The following RBMS3 variants were observed in gnomAD, a reference collection of about 807,000 sequenced individuals.
The protein encoded by RBMS3 is RNA-binding motif, single-stranded-interacting protein 3.
A neutral mutation model predicts 66.8 loss-of-function variants in RBMS3; 27 were observed. That is an observed-to-expected ratio of 0.40 (90% confidence interval 0.30 to 0.56). The LOEUF (loss-of-function observed/expected upper bound fraction) is 0.56, where lower values mean the gene tolerates loss of function less well. RBMS3 is among the 20% of genes least tolerant of loss of function. The pLI is 0.40. For missense variants in RBMS3, 513 were observed against 549.5 expected, an observed-to-expected ratio of 0.93 and a Z score of 0.66; for synonymous variants, 188 against 183.0, an observed-to-expected ratio of 1.03 and a Z score of -0.22.
In RBMS3 at chr3:29,333,114, T is replaced by A. The variant is rs115961702; in HGVS notation, c.75+51358T>A. ...TTAGGATTCCTCTTAAATTTGTATA[T>A]GTGTGTATATAATCTGTATGTATAG... On this transcript the variant is annotated intron_variant, in intron 1 of 14. Transcript: ENST00000383767. Among the ~76,000 whole-genome samples, 1,455 of 152,264 alleles carry A rather than the reference T, an allele frequency of 9.6e-3. 30 individuals carry two copies. Among genetic ancestry groups the A allele is most frequent in the African/African-American group, 0.033 (1,383 of 41,558 alleles).
At chr3:29,343,832 T>C (rs1342582897) in intron 1 of RBMS3, among the ~76,000 whole-genome samples, 1 of 152,230 alleles carries the variant, frequency 6.6e-6, no homozygotes, top group Non-Finnish European at 1.5e-5. Flanking sequence ...ACTAAGACCG[T>C]TCTCTGCATT....
At chr3:29,406,138 G>A (rs1050283546) in intron 1 of RBMS3, among the ~76,000 whole-genome samples, 4 of 152,168 alleles carry the variant, frequency 2.6e-5, no homozygotes, top group African/African-American at 7.2e-5. Flanking sequence ...AGGTATCTTC[G>A]GTGCAATTCT....
intron 8 of RBMS3, among the ~76,000 whole-genome samples, chr3:29,891,607 T>G (rs34391263): frequency 0.35 from 52,818 of 151,276 alleles, 9,398 homozygotes; most frequent in African/African-American, 0.39. Context: ...ATATTCAAAA[T>G]CTCATCTTTC....
intron 6 of RBMS3, among the ~76,000 whole-genome samples, chr3:29,859,392 A>G (rs927883119): frequency 3.3e-5 from 5 of 152,216 alleles, no homozygotes; most frequent in African/African-American, 1.2e-4. Flanking sequence ...TTCATTCCCT[A>G]TTCCTGCTGA....
intron 4 of RBMS3, among the ~76,000 whole-genome samples, chr3:29,613,079 A>T (rs916104661): frequency 6.6e-6 from 1 of 152,128 alleles, no homozygotes; most frequent in African/African-American, 2.4e-5. Flanking sequence ...GGTCCCACAC[A>T]TGAACAATGC....
intron 1 of RBMS3, among the ~76,000 whole-genome samples, chr3:29,359,252 ATGAAGGGC>A (rs1309691741): frequency 1.3e-5 from 2 of 152,218 alleles, no homozygotes; most frequent in African/African-American, 4.8e-5. Context: ...AGGTTTTAGC[ATGAAGGGC>A]TGTTGAATTT....
intron 3 of RBMS3, among the ~76,000 whole-genome samples, chr3:29,519,056 A>G (rs2044751378): frequency 6.6e-6 from 1 of 152,316 alleles, no homozygotes; most frequent in South Asian, 2.1e-4. Context: ...AGAAAAAGTA[A>G]TAATAGCATG....
intron 5 of RBMS3, among the ~76,000 whole-genome samples, chr3:29,747,744 T>C (rs1022638945): frequency 2.6e-5 from 4 of 152,104 alleles, no homozygotes; most frequent in African/African-American, 4.8e-5. Context: ...CCCTAGGTAG[T>C]ATTGGAAAAG....
At chr3:29,386,121 G>T (rs1336124272) in intron 1 of RBMS3, among the ~76,000 whole-genome samples, 1 of 151,760 alleles carries the variant, frequency 6.6e-6, no homozygotes, top group Non-Finnish European at 1.5e-5. Flanking sequence ...CCTAATTATG[G>T]TATATCCAAT....
intron 3 of RBMS3, 88 bp downstream of exon 3, chr3:29,488,587 C>A: frequency 1.8e-6 from 2 of 1,106,052 alleles, no homozygotes; most frequent in Non-Finnish European, 2.7e-6. Flanking sequence ...GTACCAGCTG[C>A]ACAATGATCA....
Position 29,739,864 on chromosome 3 carries a change from G to A in RBMS3, c.544G>A (p.Val182Ile). Residue 182 changes from valine (V) to isoleucine (I), a missense_variant, in exon 5 of 15, where the codon GTT becomes ATT. By Grantham distance (29) the Val-to-Ile change is conservative. Transcript: ENST00000383767. Reference protein sequence around the residue: ...LRDANGVSRGVGFARMESTEK... With the variant: ...LRDANGVSRGIGFARMESTEK... ...AGACGCTAATGGAGTCAGCAGAGGT[G>A]TTGGCTTTGCCAGGTAAAATTCTTT... 6.3e-7 allele frequency: 1 copy of A among 1,581,172 alleles called. No homozygotes were observed. The highest frequency in any genetic ancestry group is 8.6e-7 in the Non-Finnish European group (1 of 1,167,524).
intron 2 of RBMS3, among the ~76,000 whole-genome samples, chr3:29,447,195 G>A (rs970092898): frequency 3.9e-5 from 6 of 151,984 alleles, no homozygotes; most frequent in Admixed American, 3.3e-4. Flanking sequence ...TTACAGTTGT[G>A]AGCCGCTGCA....
At chr3:29,809,059 C>A in intron 6 of RBMS3, among the ~76,000 whole-genome samples, 1 of 151,506 alleles carries the variant, frequency 6.6e-6, no homozygotes, top group African/African-American at 2.4e-5. Flanking sequence ...TGAAATTATC[C>A]AAATATCTAG....
chr3:29,314,302 A>G (rs1334170649), intron 1 of RBMS3, among the ~76,000 whole-genome samples: 1 of 151,730 alleles, frequency 6.6e-6, no homozygotes, highest in Non-Finnish European at 1.5e-5. Context: ...TTAATCTGGC[A>G]ATAATACCTT....
rs9846492 is a variant in RBMS3, at chr3:29,836,637, C to T, written c.638-32221C>T. 1.9e-3 allele frequency among the ~76,000 whole-genome samples: 294 copies of T among 151,934 alleles called. 1 individual carries two copies. Among genetic ancestry groups the T allele is most frequent in the African/African-American group, 6.0e-3 (250 of 41,478 alleles). ...AAGTTCTGGAGACTTTATGTACATA[C>T]GGTGACTATAGTTGATAATAATATA... On this transcript the variant is annotated intron_variant, in intron 6 of 14. Transcript: ENST00000383767.
chr3:29,876,615 A>C (rs569851784), intron 7 of RBMS3, among the ~76,000 whole-genome samples: 1 of 152,266 alleles, frequency 6.6e-6, no homozygotes, highest in South Asian at 2.1e-4. Context: ...AGGAGGACAA[A>C]GGCAATAGTT....
intron 6 of RBMS3, among the ~76,000 whole-genome samples, chr3:29,848,782 T>A (rs1442715636): frequency 6.6e-6 from 1 of 152,232 alleles, no homozygotes; most frequent in East Asian, 1.9e-4. Flanking sequence ...GTTTTTTGTT[T>A]GTTTTTAAAC....
intron 4 of RBMS3, among the ~76,000 whole-genome samples, chr3:29,626,567 G>T: frequency 6.6e-6 from 1 of 152,124 alleles, no homozygotes; most frequent in East Asian, 1.9e-4. Context: ...AAAATTTTTG[G>T]TCAGCATATG....
chr3:29,382,186 G>T (rs946297941), intron 1 of RBMS3, among the ~76,000 whole-genome samples: 1 of 152,124 alleles, frequency 6.6e-6, no homozygotes, highest in South Asian at 2.1e-4. Flanking sequence ...TGGAATTTTT[G>T]AAAGACGTTT....
Sources: gnomAD v4.1 joint callset for allele counts (sites outside exome capture counted in the v4.1 genomes callset) on GRCh38, gnomAD v4.1.1 for gene constraint, MANE v1.5 for transcripts, NCBI Gene and HGNC (gene_info 2026-07-23, HGNC 2026-07-21) for gene names.